PDE1A: variants seen among roughly 807,000 people sequenced by gnomAD.
PDE1A encodes phosphodiesterase 1A, also known as dual specificity calcium/calmodulin-dependent 3',5'-cyclic nucleotide phosphodiesterase 1A.
PDE1A carries 35 observed loss-of-function variants against 61.7 expected under a neutral mutation model. The observed-to-expected ratio is 0.57, with a 90% CI of 0.43 to 0.75. The LOEUF (loss-of-function observed/expected upper bound fraction) is 0.75, where lower values mean the gene tolerates loss of function less well. Ranked by LOEUF, PDE1A falls within the 30% of genes least tolerant of loss-of-function variation. The pLI, the probability that PDE1A is intolerant of heterozygous loss-of-function variation, is 0.00. For missense variants in PDE1A, 597 were observed against 630.6 expected (o/e 0.95, Z 0.57); for synonymous variants, 232 against 213.2 (o/e 1.09, Z -0.77).
intron 1 of PDE1A, among the ~76,000 whole-genome samples, chr2:182,414,855 T>A (rs1281651259): frequency 6.6e-6 from 1 of 152,106 alleles, no homozygotes; most frequent in African/African-American, 2.4e-5. Context: ...CGGATCAAAA[T>A]TTTTCAACTT....
intron 1 of PDE1A, among the ~76,000 whole-genome samples, chr2:182,353,761 A>G (rs779639910): frequency 6.6e-6 from 1 of 152,176 alleles, no homozygotes; most frequent in East Asian, 1.9e-4. Flanking sequence ...TTAAGATGTC[A>G]GTTAATCAGT....
At chr2:182,309,119 C>T (rs565127858) in intron 1 of PDE1A, among the ~76,000 whole-genome samples, 90 of 151,366 alleles carry the variant, frequency 5.9e-4, no homozygotes, top group African/African-American at 2.1e-3. Context: ...TCAGGTTTTC[C>T]TTTTACGTAA....
At chr2:182,478,250 T>G (rs1687494524) in intron 2 of PDE1A, among the ~76,000 whole-genome samples, 1 of 151,886 alleles carries the variant, frequency 6.6e-6, no homozygotes, top group African/African-American at 2.4e-5. Context: ...CCAATGGAAT[T>G]TTATAAATTT....
chr2:182,243,626 G>A (rs1690728652), intron 2 of PDE1A, among the ~76,000 whole-genome samples: 1 of 152,178 alleles, frequency 6.6e-6, no homozygotes, highest in Admixed American at 6.5e-5. Context: ...ATTATTTTAA[G>A]CAGGATGTGA....
intron 2 of PDE1A, among the ~76,000 whole-genome samples, chr2:182,248,835 T>C (rs1346143372): frequency 6.6e-6 from 1 of 152,202 alleles, no homozygotes; most frequent in African/African-American, 2.4e-5. Flanking sequence ...GAAATGTTCC[T>C]TTCCTGCTTT....
At chr2:182,330,648 A>G (rs1217797574) in intron 1 of PDE1A, among the ~76,000 whole-genome samples, 2 of 152,004 alleles carry the variant, frequency 1.3e-5, no homozygotes, top group Non-Finnish European at 2.9e-5. Context: ...CTCTGAACCC[A>G]CGGCAATCCC....
chr2:182,443,887 G>A (rs1684961158), intron 2 of PDE1A, among the ~76,000 whole-genome samples: 1 of 151,818 alleles, frequency 6.6e-6, no homozygotes, highest in African/African-American at 2.4e-5. Context: ...ATTTTTAGTA[G>A]AGATGAGGTT....
At chr2:182,337,112 A>T (rs1697883395) in intron 1 of PDE1A, among the ~76,000 whole-genome samples, 1 of 152,218 alleles carries the variant, frequency 6.6e-6, no homozygotes, top group South Asian at 2.1e-4. Flanking sequence ...TGGTAAATAC[A>T]TGTTAGGTTG....
downstream of PDE1A, among the ~76,000 whole-genome samples, chr2:182,144,234 G>A (rs1690377313): frequency 6.6e-6 from 1 of 152,156 alleles, no homozygotes. Flanking sequence ...GTGGGTAACA[G>A]GTCTGATAGT....
chr2:182,669,118 C>A, the PDE1A span, among the ~76,000 whole-genome samples: 4 of 152,116 alleles, frequency 2.6e-5, no homozygotes, highest in South Asian at 2.1e-4. Context: ...TAACTGTTTC[C>A]CCCAAAGAAG....
At chr2:182,146,947 G>T, downstream of PDE1A, 1 of 505,824 alleles carries the variant, frequency 2.0e-6, no homozygotes, top group Non-Finnish European at 3.5e-6. Flanking sequence ...CTCTAGGAGG[G>T]CATTTAAATA....
At chr2:182,329,332 T>C (rs1697251962) in intron 1 of PDE1A, among the ~76,000 whole-genome samples, 1 of 152,206 alleles carries the variant, frequency 6.6e-6, no homozygotes, top group Admixed American at 6.5e-5. Flanking sequence ...TCTATCCATA[T>C]ATTCATAAAG....
intron 1 of PDE1A, among the ~76,000 whole-genome samples, chr2:182,274,904 G>C (rs1429291262): frequency 6.6e-6 from 1 of 152,036 alleles, no homozygotes; most frequent in Non-Finnish European, 1.5e-5. Context: ...GACAGAAGTA[G>C]TTTTGAGAAC....
the PDE1A span, among the ~76,000 whole-genome samples, chr2:182,613,993 A>C: frequency 6.6e-6 from 1 of 152,260 alleles, no homozygotes; most frequent in East Asian, 1.9e-4. Flanking sequence ...TGTAAAACAC[A>C]AAATTGGGGT....
At chr2:182,378,048 G>A (rs893117028) in intron 1 of PDE1A, among the ~76,000 whole-genome samples, 6 of 151,948 alleles carry the variant, frequency 3.9e-5, no homozygotes, top group Admixed American at 6.6e-5. Context: ...GGGTTTCACC[G>A]TGTTAGCCAG....
the PDE1A span, among the ~76,000 whole-genome samples, chr2:182,710,882 G>A: frequency 6.6e-6 from 1 of 152,154 alleles, no homozygotes; most frequent in African/African-American, 2.4e-5. Flanking sequence ...CCTAGTCCAA[G>A]CCATTGCCAT....
the PDE1A span, among the ~76,000 whole-genome samples, chr2:182,606,390 G>A: frequency 6.6e-6 from 1 of 152,150 alleles, no homozygotes; most frequent in Non-Finnish European, 1.5e-5. Flanking sequence ...ATGTTGGCCA[G>A]GCTGTTCTCG....
the PDE1A span, among the ~76,000 whole-genome samples, chr2:182,613,895 A>G: frequency 3.3e-5 from 5 of 152,356 alleles, no homozygotes; most frequent in Admixed American, 3.3e-4. Context: ...ATATTAGATC[A>G]TGCCACACTC....
chr2:182,614,271 GAA>G, the PDE1A span, among the ~76,000 whole-genome samples: 5 of 152,124 alleles, frequency 3.3e-5, no homozygotes, highest in African/African-American at 1.2e-4. Context: ...ATTGTGCAGT[GAA>G]AAAGTTTGGG....
Sources: allele counts gnomAD v4.1 joint callset (sites outside exome capture counted in the v4.1 genomes callset), GRCh38; gene constraint gnomAD v4.1.1; transcripts MANE v1.5; gene names NCBI Gene and HGNC (gene_info 2026-07-23, HGNC 2026-07-21).